Variants in RSBN1L observed in about 807,000 individuals in gnomAD.
The protein encoded by RSBN1L is round spermatid basic protein 1 like.
RSBN1L carries 30 observed loss-of-function variants against 67.7 expected under a neutral mutation model. That is an observed-to-expected ratio of 0.44 (90% CI 0.33 to 0.60). The LOEUF is 0.60. RSBN1L is among the 20% of genes least tolerant of loss of function. The pLI, the probability that RSBN1L is intolerant of heterozygous loss-of-function variation, is 0.02. For missense variants in RSBN1L, 992 were observed against 1,031.7 expected (o/e 0.96, Z 0.53); for synonymous variants, 433 against 387.0 (o/e 1.12, Z -1.39).
chr7:77,725,582 A>G (rs952194112), intron 1 of RSBN1L, among the ~76,000 whole-genome samples: 5 of 151,480 alleles, frequency 3.3e-5, no homozygotes, highest in East Asian at 1.9e-4. Flanking sequence ...GTGCATTTAC[A>G]TATGTACATA....
At chr7:77,766,584 T>C (rs1028758374) in intron 4 of RSBN1L, among the ~76,000 whole-genome samples, 14 of 152,046 alleles carry the variant, frequency 9.2e-5, no homozygotes, top group Admixed American at 2.0e-4. Context: ...GTGCTAGGGC[T>C]ATCCCACTGA....
Position 77,735,902 on chromosome 7 carries a change from G to A in RSBN1L, c.587-508G>A, listed in dbSNP as rs560246722. On this transcript the variant is annotated intron_variant, in intron 1 of 7. Coordinates refer to ENST00000334955, the MANE Select transcript of RSBN1L (RefSeq NM_198467.3). ...ATTTTTAAAAGGAGCCAAGGGTAAG[G>A]GAACCAACATCTAGTCTTATGTATG... Among the ~76,000 whole-genome samples the A allele has an allele frequency of 2.0e-5, 3 of 152,130 alleles. No individual in the cohort carries two copies. The East Asian group carries it at 5.8e-4, about 29-fold the overall frequency.
chr7:77,738,939 A>G (rs1293219657), intron 2 of RSBN1L, among the ~76,000 whole-genome samples: 1 of 152,092 alleles, frequency 6.6e-6, no homozygotes, highest in Non-Finnish European at 1.5e-5. Flanking sequence ...ACTCCATCTC[A>G]AAAAAACAAA....
Position 77,778,736 on chromosome 7 carries a change from A to G in RSBN1L, c.2109A>G (p.Thr703=), listed in dbSNP as rs542705698. 6.2e-7 allele frequency: 1 copy of G among 1,614,150 alleles called. No individual in the cohort carries two copies. The highest frequency in any genetic ancestry group is 1.1e-5 in the South Asian group (1 of 91,084). Residue 703 remains threonine (T), a synonymous_variant, in exon 8 of 8, where the codon ACA becomes ACG. Coordinates refer to ENST00000334955, the MANE Select transcript of RSBN1L (RefSeq NM_198467.3). The part of the protein sequence containing the change: ...YHSEEDTSQN[T]ATHETGTSSD... Reference sequence around the variant, plus strand: ...CAGAGGAGGACACTTCTCAGAATACAGCTACTCATGAAACAGGCACATCAT... The same window carrying G: ...CAGAGGAGGACACTTCTCAGAATACGGCTACTCATGAAACAGGCACATCAT...
intron 6 of RSBN1L, 130 bp downstream of exon 6, chr7:77,773,444 T>C (rs773833895): frequency 5.1e-5 from 29 of 573,400 alleles, no homozygotes; most frequent in Admixed American, 7.4e-5. Flanking sequence ...GATATCTTAA[T>C]TGTATAATTG....
chr7:77,769,379 C>T lies in RSBN1L; in HGVS notation c.1625+576C>T, dbSNP rs535864797. 2.6e-4 allele frequency among the ~76,000 whole-genome samples: 39 copies of T among 152,158 alleles called. 2 individuals carry two copies. Among genetic ancestry groups the T allele is most frequent in the Non-Finnish European group, 3.8e-4 (26 of 68,008 alleles). ...GAAATAGATCTAAGTATATTGGGAA[C>T]TTAATATATGAGATAGGTGGGAAGA... On this transcript the variant is annotated intron_variant, in intron 5 of 7. Coordinates refer to ENST00000334955, the MANE Select transcript of RSBN1L (RefSeq NM_198467.3).
intron 1 of RSBN1L, among the ~76,000 whole-genome samples, chr7:77,727,931 CCT>C (rs1791228182): frequency 6.6e-6 from 1 of 151,994 alleles, no homozygotes. Flanking sequence ...TTAAAAATTG[CCT>C]CTCTTTTTCA....
Position 77,779,150 on chromosome 7 carries a change from C to A in RSBN1L, c.2523C>A (p.Asp841Glu), listed in dbSNP as rs551642239. ...SSAHSNQDKKDDDILC is the reference protein window; with the variant it reads ...SSAHSNQDKKEDDILC The stretch of plus-strand genomic sequence containing the variant: ...CACATTCAAATCAAGATAAAAAAGA[C>A]GATGACATTTTGTGCTAAATTTGCA... The change falls in exon 8 of 8, where the codon GAC (aspartate) becomes GAA (glutamate). Residue 841 changes from aspartate (D) to glutamate (E), a missense_variant. Coordinates refer to ENST00000334955, the MANE Select transcript of RSBN1L (RefSeq NM_198467.3). 1.3e-6 allele frequency: 2 copies of A among 1,580,780 alleles called. No individual in the cohort carries two copies. The highest frequency in any genetic ancestry group is 2.4e-5 in the South Asian group (2 of 84,836).
intron 1 of RSBN1L, among the ~76,000 whole-genome samples, chr7:77,735,737 G>A (rs543785753): frequency 2.4e-4 from 36 of 152,166 alleles, no homozygotes; most frequent in African/African-American, 8.7e-4. Flanking sequence ...TGCATAGGAA[G>A]TCATTTGAAC....
At chr7:77,705,939 C>T (rs1346360679) in intron 1 of RSBN1L, among the ~76,000 whole-genome samples, 5 of 151,742 alleles carry the variant, frequency 3.3e-5, no homozygotes, top group South Asian at 2.1e-4. Flanking sequence ...CTCACTTTGT[C>T]GCCAAGGCTG....
intron 3 of RSBN1L, among the ~76,000 whole-genome samples, chr7:77,754,349 A>G (rs2150427484): frequency 6.6e-6 from 1 of 152,324 alleles, no homozygotes; most frequent in South Asian, 2.1e-4. Context: ...GTATTACATT[A>G]AGGCTATAGA....
At chr7:77,713,668 T>TC (rs1227308880) in intron 1 of RSBN1L, among the ~76,000 whole-genome samples, 8 of 151,084 alleles carry the variant, frequency 5.3e-5, no homozygotes, top group Admixed American at 3.3e-4. Flanking sequence ...TCTCTTCCTT[T>TC]TTTTTTTTTT....
chr7:77,765,730 A>G (rs1316496375), intron 4 of RSBN1L, 98 bp downstream of exon 4: 25 of 900,262 alleles, frequency 2.8e-5, no homozygotes, highest in Admixed American at 1.0e-4. Context: ...CTTTCATGCT[A>G]CATGCAATAT....
intron 3 of RSBN1L, among the ~76,000 whole-genome samples, chr7:77,759,392 CGTTATATG>C (rs1490836877): frequency 1.3e-5 from 2 of 151,776 alleles, no homozygotes; most frequent in African/African-American, 4.8e-5. Context: ...TTTTAGTTGC[CGTTATATG>C]GGTATTTTTG....
chr7:77,759,545 G>A (rs1791670494), intron 3 of RSBN1L: 1 of 151,868 alleles, frequency 6.6e-6, no homozygotes, highest in Non-Finnish European at 1.5e-5. Flanking sequence ...AGCAGGCCTT[G>A]TTTTTAAAAA....
intron 3 of RSBN1L, among the ~76,000 whole-genome samples, chr7:77,762,270 TC>T (rs1408411386): frequency 6.6e-6 from 1 of 152,088 alleles, no homozygotes; most frequent in Non-Finnish European, 1.5e-5. Context: ...CTCTAAAAAA[TC>T]CTTTGAAATA....
chr7:77,760,071 C>T lies in RSBN1L; in HGVS notation c.1345-5424C>T, dbSNP rs191394817. Among the ~76,000 whole-genome samples, 16 of 152,106 alleles carry T rather than the reference C, an allele frequency of 1.1e-4. No individual in the cohort carries two copies. The East Asian group carries it at 2.5e-3, about 24-fold the overall frequency. On this transcript the variant is annotated intron_variant, in intron 3 of 7. Transcript: ENST00000334955. ...GCCTTTTCCCCCTTGCAGCAGTTTT[C>T]GTAATTACATAAGAGAAAACAGCAA...
At chr7:77,777,741 C>T (rs1368339776) in intron 6 of RSBN1L, among the ~76,000 whole-genome samples, 1 of 151,916 alleles carries the variant, frequency 6.6e-6, no homozygotes, top group Non-Finnish European at 1.5e-5. Context: ...CATTTTTTAG[C>T]ATCTCTTTAA....
intron 3 of RSBN1L, among the ~76,000 whole-genome samples, chr7:77,757,487 A>G (rs1260458638): frequency 6.6e-6 from 1 of 152,226 alleles, no homozygotes; most frequent in Non-Finnish European, 1.5e-5. Flanking sequence ...ATATGCATGG[A>G]CTTTTCCCAA....
Sources: allele counts gnomAD v4.1 joint callset (sites outside exome capture counted in the v4.1 genomes callset), GRCh38; gene constraint gnomAD v4.1.1; transcripts MANE v1.5; gene names NCBI Gene and HGNC (gene_info 2026-07-23, HGNC 2026-07-21).